DLG2: variants seen among roughly 807,000 people sequenced by gnomAD.
The protein encoded by DLG2 is disks large homolog 2.
DLG2 carries 45 observed loss-of-function variants against 132.5 expected under a neutral mutation model. The observed-to-expected ratio is 0.34, with a 90% CI of 0.27 to 0.44. The LOEUF (loss-of-function observed/expected upper bound fraction) is 0.44. Among genes scored for constraint, DLG2 ranks in the 20% least tolerant of loss-of-function variants. DLG2 has a pLI of 1.00. For synonymous variants in DLG2, 424 were observed against 419.6 expected (o/e 1.01, Z -0.13); for missense variants, 1,045 against 1,196.9 (o/e 0.87, Z 1.87).
intron 18 of DLG2, among the ~76,000 whole-genome samples, chr11:83,719,664 T>A (rs989536524): frequency 6.6e-6 from 1 of 152,280 alleles, no homozygotes; most frequent in East Asian, 1.9e-4. Context: ...CATTAATCTA[T>A]TCATGAGGGA....
In DLG2 at chr11:85,511,602, C is replaced by T. The variant is rs1238513624; in HGVS notation, c.40+87055G>A. On this transcript the variant is annotated intron_variant, in intron 3 of 27. Coordinates refer to ENST00000376104, the MANE Select transcript of DLG2 (RefSeq NM_001142699.3). ...AATGATATCTTTCAAGAATGCAATA[C>T]AAGGGACTATGCATGTCTTGGAAAT... Among the ~76,000 whole-genome samples the T allele has an allele frequency of 3.9e-5, 6 of 152,064 alleles. No individual in the cohort carries two copies. In the East Asian group the frequency reaches 5.8e-4, roughly 15 times the overall value.
chr11:83,690,032 A>G (rs529299871), intron 18 of DLG2, among the ~76,000 whole-genome samples: 70 of 146,112 alleles, frequency 4.8e-4, no homozygotes, highest in African/African-American at 1.7e-3. Context: ...ATATTTATGT[A>G]AATATAAATT....
At chr11:85,049,443 A>T (rs61907775) in intron 6 of DLG2, among the ~76,000 whole-genome samples, 8,502 of 152,106 alleles carry the variant, frequency 0.056, 329 homozygotes, top group Non-Finnish European at 0.08. Flanking sequence ...CTATATCATT[A>T]GATAAAAATT....
intron 6 of DLG2, among the ~76,000 whole-genome samples, chr11:84,704,188 T>C (rs987631307): frequency 6.0e-5 from 9 of 150,788 alleles, no homozygotes; most frequent in Admixed American, 1.3e-4. Flanking sequence ...ATGGTAGGAG[T>C]TTTTAATCCA....
chr11:84,464,678 G>A (rs556818830), intron 7 of DLG2, among the ~76,000 whole-genome samples: 23 of 151,074 alleles, frequency 1.5e-4, no homozygotes, highest in Non-Finnish European at 3.1e-4. Context: ...CTCAATAAAT[G>A]TTAACTATAA....
intron 6 of DLG2, among the ~76,000 whole-genome samples, chr11:84,826,434 G>C (rs532043119): frequency 6.6e-6 from 1 of 151,868 alleles, no homozygotes; most frequent in East Asian, 2.0e-4. Context: ...GGAGAGCCTC[G>C]GAGGCAAAAA....
intron 4 of DLG2, among the ~76,000 whole-genome samples, chr11:85,271,641 T>A (rs905706128): frequency 6.6e-6 from 1 of 152,206 alleles, no homozygotes; most frequent in Non-Finnish European, 1.5e-5. Flanking sequence ...GACCCAGCTC[T>A]TGCATAGCAT....
At chr11:85,567,989 G>A (rs1048879367) in intron 3 of DLG2, among the ~76,000 whole-genome samples, 17 of 148,928 alleles carry the variant, frequency 1.1e-4, no homozygotes, top group African/African-American at 4.2e-4. Context: ...CCCTCATAGT[G>A]TAAATTTTTT....
chr11:83,660,057 G>C (rs768635467), intron 18 of DLG2, among the ~76,000 whole-genome samples: 1 of 152,178 alleles, frequency 6.6e-6, no homozygotes, highest in East Asian at 1.9e-4. Flanking sequence ...AGAAGACTAA[G>C]ATACGAAAAG....
chr11:85,607,270 G>C (rs1275245725), intron 2 of DLG2, among the ~76,000 whole-genome samples: 1 of 152,174 alleles, frequency 6.6e-6, no homozygotes, highest in Non-Finnish European at 1.5e-5. Flanking sequence ...CGACTCTTCA[G>C]AGTTGGGAGC....
chr11:84,807,845 T>A (rs981389267), intron 6 of DLG2, among the ~76,000 whole-genome samples: 1 of 152,140 alleles, frequency 6.6e-6, no homozygotes, highest in Non-Finnish European at 1.5e-5. Context: ...TTGTAAAATA[T>A]ATGAAGCAAA....
At chr11:85,577,333 C>T (rs1349003676) in intron 3 of DLG2, among the ~76,000 whole-genome samples, 15 of 151,944 alleles carry the variant, frequency 9.9e-5, no homozygotes, top group Non-Finnish European at 1.0e-4. Flanking sequence ...GGTAGGATTC[C>T]GGACTTAACT....
At chr11:85,374,604 C>T (rs1270170021) in intron 3 of DLG2, among the ~76,000 whole-genome samples, 1 of 152,136 alleles carries the variant, frequency 6.6e-6, no homozygotes, top group Non-Finnish European at 1.5e-5. Context: ...CCGCCTCAGC[C>T]TCCCTAAGTG....
At chr11:84,747,000 A>C (rs2065458308) in intron 6 of DLG2, among the ~76,000 whole-genome samples, 1 of 152,164 alleles carries the variant, frequency 6.6e-6, no homozygotes, top group Non-Finnish European at 1.5e-5. Context: ...TAGATCTCCA[A>C]ATGAATCACA....
intron 4 of DLG2, among the ~76,000 whole-genome samples, chr11:85,218,608 C>T (rs2082780817): frequency 6.6e-6 from 1 of 152,172 alleles, no homozygotes. Context: ...CACTTATACA[C>T]TATTGTTGAG....
At chr11:84,162,512 T>G (rs10792726) in intron 9 of DLG2, among the ~76,000 whole-genome samples, 112,995 of 151,738 alleles carry the variant, frequency 0.74, 43,429 homozygotes, top group Middle Eastern at 0.87. Context: ...CATTATCCTT[T>G]TTTGTTTATT....
chr11:84,050,498 G>T (rs1029504670), intron 11 of DLG2, among the ~76,000 whole-genome samples: 2 of 151,822 alleles, frequency 1.3e-5, no homozygotes, highest in Non-Finnish European at 2.9e-5. Context: ...AGTTTCTTTC[G>T]CTGTGCAGAA....
chr11:84,873,768 CTCT>C (rs1405694849), intron 6 of DLG2, among the ~76,000 whole-genome samples: 6 of 152,200 alleles, frequency 3.9e-5, no homozygotes, highest in African/African-American at 1.4e-4. Context: ...TGCCTTTAGG[CTCT>C]TTAACCATCT....
At chr11:84,647,639 A>C (rs2099676601) in intron 6 of DLG2, among the ~76,000 whole-genome samples, 1 of 152,318 alleles carries the variant, frequency 6.6e-6, no homozygotes, top group South Asian at 2.1e-4. Context: ...TAGATCATAA[A>C]TTCCTTGAGG....
Sources: gnomAD v4.1 joint callset for allele counts (sites outside exome capture counted in the v4.1 genomes callset) on GRCh38, gnomAD v4.1.1 for gene constraint, MANE v1.5 for transcripts, NCBI Gene and HGNC (gene_info 2026-07-23, HGNC 2026-07-21) for gene names.